The following TCF7L2 variants were observed in gnomAD, a reference collection of about 807,000 sequenced individuals.
TCF7L2 encodes the protein transcription factor 7-like 2.
In TCF7L2, 23 loss-of-function variants were observed where a neutral mutation model predicts 77.9. That is an observed-to-expected ratio of 0.30 (90% confidence interval 0.21 to 0.42). TCF7L2 has a LOEUF of 0.42. TCF7L2 is among the 10% of genes least tolerant of loss of function. TCF7L2 has a pLI of 1.00. For missense variants in TCF7L2, 654 were observed against 793.1 expected (o/e 0.82, Z 2.11); for synonymous variants, 413 against 340.2 (o/e 1.21, Z -2.36).
chr10:112,998,010 G>A (rs1000425521), intron 4 of TCF7L2, among the ~76,000 whole-genome samples: 3 of 152,126 alleles, frequency 2.0e-5, no homozygotes, highest in Admixed American at 2.0e-4. Context: ...AAAAAAAGGT[G>A]TGGGGGTATA....
At position 113,073,150 on chromosome 10, in the gene TCF7L2, G is replaced by GAGAGAGAGACAGAGAGAGAGAGAGAA. The variant is rs1564855702; in HGVS notation, c.552+33025_552+33026insGAGAGAGACAGAGAGAGAGAGAGAAA. The stretch of plus-strand genomic sequence containing the variant: ...TGTGTGAGAGAGAGAGAGAGAGAGA[G>GAGAGAGAGACAGAGAGAGAGAGAGAA]ACAGAGAGAGAGATAGAGAGAAACA... On this transcript the variant is annotated intron_variant, in intron 5 of 13. Coordinates refer to ENST00000627217, the MANE Select transcript of TCF7L2 (RefSeq NM_001146274.2). Among the ~76,000 whole-genome samples, 334 of 149,084 alleles carry GAGAGAGAGACAGAGAGAGAGAGAGAA rather than the reference G, an allele frequency of 2.2e-3. 2 individuals are homozygous for GAGAGAGAGACAGAGAGAGAGAGAGAA. The highest frequency in any genetic ancestry group is 8.1e-3 in the African/African-American group (326 of 40,180).
chr10:113,058,472 A>T, intron 5 of TCF7L2, among the ~76,000 whole-genome samples: 1 of 152,140 alleles, frequency 6.6e-6, no homozygotes, highest in Non-Finnish European at 1.5e-5. Flanking sequence ...ATGTGGTTTT[A>T]TACCGGGTTT....
intron 5 of TCF7L2, among the ~76,000 whole-genome samples, chr10:113,058,719 T>C (rs920917567): frequency 2.6e-5 from 4 of 152,170 alleles, no homozygotes; most frequent in South Asian, 2.1e-4. Context: ...TGCGTGTGTG[T>C]GCGCTGTACG....
At chr10:112,976,231 C>A (rs534288876) in intron 4 of TCF7L2, among the ~76,000 whole-genome samples, 33 of 152,130 alleles carry the variant, frequency 2.2e-4, no homozygotes, top group Non-Finnish European at 4.4e-4. Context: ...CTATTTTTAC[C>A]ATTGAGGATT....
chr10:113,061,104 C>T (rs2056369080), intron 5 of TCF7L2, among the ~76,000 whole-genome samples: 3 of 152,134 alleles, frequency 2.0e-5, no homozygotes, highest in South Asian at 4.1e-4. Context: ...ATATTTAAGC[C>T]TCCAACCTTG....
chr10:112,966,408 A>G (rs960410032), intron 4 of TCF7L2, among the ~76,000 whole-genome samples: 2 of 151,654 alleles, frequency 1.3e-5, no homozygotes, highest in African/African-American at 4.9e-5. Flanking sequence ...GATGGACAGC[A>G]TAGTAAGTCT....
chr10:113,081,472 A>G (rs1196711887), intron 5 of TCF7L2, among the ~76,000 whole-genome samples: 1 of 152,202 alleles, frequency 6.6e-6, no homozygotes, highest in African/African-American at 2.4e-5. Flanking sequence ...ATAGCCAGTC[A>G]TTGCTGAGTA....
chr10:113,126,731 CGCGGGTG>C (rs1592055732), intron 5 of TCF7L2: 2 of 985,696 alleles, frequency 2.0e-6, no homozygotes, highest in East Asian at 2.3e-4. Flanking sequence ...TCCCCTGTGC[CGCGGGTG>C]CGCGGCGGCG....
Position 113,154,982 on chromosome 10 carries a change from A to AT in TCF7L2, c.1269+2560dup, listed in dbSNP as rs59885014. ...TGAATGTGGTAGCAACTTAACTAGT[A>AT]TTTTTTTTTTTTTTTTTTAACTAAC... On this transcript the variant is annotated intron_variant, in intron 11 of 13. Transcript: ENST00000627217. Among the ~76,000 whole-genome samples the AT allele has an allele frequency of 8.3e-4, 120 of 144,086 alleles. 1 individual carries two copies. The highest frequency in any genetic ancestry group is 3.6e-3 in the Middle Eastern group (1 of 276). The allele number at this position is 144,086 out of a possible 152,430, so 94.5% of individuals were successfully genotyped here.
intron 4 of TCF7L2, among the ~76,000 whole-genome samples, chr10:112,985,426 C>G (rs891179371): frequency 1.1e-4 from 16 of 152,168 alleles, no homozygotes; most frequent in Non-Finnish European, 8.8e-5. Flanking sequence ...CCCCCTCCCC[C>G]AAGACATATA....
intron 4 of TCF7L2, among the ~76,000 whole-genome samples, chr10:113,029,708 G>A (rs1303721119): frequency 6.6e-6 from 1 of 151,932 alleles, no homozygotes; most frequent in East Asian, 1.9e-4. Flanking sequence ...TGTATTTTTA[G>A]TAGAGATGGA....
intron 5 of TCF7L2, among the ~76,000 whole-genome samples, chr10:113,070,133 G>C (rs1274994245): frequency 6.6e-6 from 1 of 151,878 alleles, no homozygotes; most frequent in Non-Finnish European, 1.5e-5. Flanking sequence ...GCAAGTGCCT[G>C]TAATCCCAGC....
intron 4 of TCF7L2, among the ~76,000 whole-genome samples, chr10:112,994,157 G>C (rs905326321): frequency 3.9e-5 from 6 of 151,948 alleles, no homozygotes; most frequent in African/African-American, 1.2e-4. Context: ...TATAGTCACA[G>C]ATCTGTGCAG....
chr10:113,015,255 A>G (rs1040972305), intron 4 of TCF7L2, among the ~76,000 whole-genome samples: 40 of 152,240 alleles, frequency 2.6e-4, no homozygotes, highest in African/African-American at 9.4e-4. Flanking sequence ...CTGTCTCTGC[A>G]GGATTCTGTG....
chr10:113,045,816 A>T (rs1394595962), intron 5 of TCF7L2, among the ~76,000 whole-genome samples: 1 of 152,194 alleles, frequency 6.6e-6, no homozygotes, highest in Non-Finnish European at 1.5e-5. Context: ...CAGACTCTCT[A>T]AAAGAGTTGA....
rs2070816222 is a variant in TCF7L2, at chr10:113,151,923, T to C, written c.1161+39T>C. Reference sequence around the variant, plus strand: ...TTCTCAGGGAGAAGCGGGGGGCGGGTGGTGAGGGACCAGAGTGCAGCAGGT... The same window carrying C: ...TTCTCAGGGAGAAGCGGGGGGCGGGCGGTGAGGGACCAGAGTGCAGCAGGT... On this transcript the variant is annotated intron_variant, in intron 10 of 13. Coordinates refer to ENST00000627217, the MANE Select transcript of TCF7L2 (RefSeq NM_001146274.2). This position sits in a 1 kb window ranked among gnomAD's most constrained non-coding sequence, Gnocchi z 5.2. 6 of 1,566,190 alleles carry C rather than the reference T, an allele frequency of 3.8e-6. No homozygotes were observed. The highest frequency in any genetic ancestry group is 2.0e-5 in the Admixed American group (1 of 50,582).
At chr10:113,010,634 A>G (rs1215150269) in intron 4 of TCF7L2, among the ~76,000 whole-genome samples, 2 of 152,232 alleles carry the variant, frequency 1.3e-5, no homozygotes, top group Non-Finnish European at 2.9e-5. Flanking sequence ...ATTATTAATC[A>G]GGGGGACTGT....
At chr10:112,976,313 A>G (rs897082689) in intron 4 of TCF7L2, among the ~76,000 whole-genome samples, 2 of 152,234 alleles carry the variant, frequency 1.3e-5, no homozygotes, top group East Asian at 3.8e-4. Flanking sequence ...ATTTCCTGTC[A>G]AGAGCATCAC....
chr10:113,125,203 C>T (rs978651456), intron 5 of TCF7L2, among the ~76,000 whole-genome samples: 17 of 150,988 alleles, frequency 1.1e-4, no homozygotes, highest in Non-Finnish European at 2.2e-4. Flanking sequence ...TGGGACGAAT[C>T]GCTCGTTCTC....
Sources: allele counts gnomAD v4.1 joint callset (sites outside exome capture counted in the v4.1 genomes callset), GRCh38; gene constraint gnomAD v4.1.1; non-coding constraint Gnocchi (gnomAD v3.1); transcripts MANE v1.5; gene names NCBI Gene and HGNC (gene_info 2026-07-23, HGNC 2026-07-21).